MED15: variants seen among roughly 807,000 people sequenced by gnomAD.
MED15 encodes mediator of RNA polymerase II transcription subunit 15.
In MED15, 41 loss-of-function variants were observed where a neutral mutation model predicts 118.7. The ratio of observed to expected loss-of-function variants is 0.35; its 90% CI spans 0.27 to 0.45. MED15 has a LOEUF of 0.45. MED15 is among the 20% of genes least tolerant of loss of function. MED15 has a pLI of 1.00. For missense variants in MED15, 740 were observed against 1,025.5 expected, an observed-to-expected ratio of 0.72 and a Z score of 3.80; for synonymous variants, 436 against 413.9, an observed-to-expected ratio of 1.05 and a Z score of -0.65.
Position 20,568,672 on chromosome 22 carries a change from G to C in MED15, c.1152+41G>C, listed in dbSNP as rs565016408. 3.7e-6 allele frequency: 6 copies of C among 1,600,510 alleles called. No homozygotes were observed. The South Asian group carries it at 6.7e-5, about 18-fold the overall frequency. On this transcript the variant is annotated intron_variant, in intron 8 of 17. Coordinates refer to ENST00000263205, the MANE Select transcript of MED15 (RefSeq NM_001003891.3). ...TGGAGGGCTCCATAGTCATCAGCAG[G>C]TGCATGTTCACCTGCGCATGTAGTG...
chr22:20,525,841 A>G (rs1303517845), intron 1 of MED15, among the ~76,000 whole-genome samples: 1 of 151,328 alleles, frequency 6.6e-6, no homozygotes, highest in Non-Finnish European at 1.5e-5. Context: ...CGGCCACGTG[A>G]CCCTTCTTAA....
chr22:20,581,358 G>A (rs1296331794), intron 9 of MED15, among the ~76,000 whole-genome samples: 1 of 152,192 alleles, frequency 6.6e-6, no homozygotes, highest in Admixed American at 6.5e-5. Context: ...AATTTAAGGA[G>A]CTTAGAAAGC....
At chr22:20,550,953 T>G in intron 2 of MED15, 1 of 354,826 alleles carries the variant, frequency 2.8e-6, no homozygotes, top group Non-Finnish European at 5.6e-6. Flanking sequence ...GCCGCCCAGA[T>G]TTTCAGCAGA....
In MED15 at chr22:20,523,867, C is replaced by T; in HGVS notation, c.69-13250C>T. On this transcript the variant is annotated intron_variant, in intron 1 of 17. Transcript: ENST00000263205. Reference sequence around the variant, plus strand: ...AGCCTTTTCTGCAGGTTAGTTCTTTCAATGATCTTGTTTACTGGGAGTTGA... The same window carrying T: ...AGCCTTTTCTGCAGGTTAGTTCTTTTAATGATCTTGTTTACTGGGAGTTGA... 6.1e-6 allele frequency: 6 copies of T among 983,600 alleles called. No individual in the cohort carries two copies. In the South Asian group the frequency reaches 2.8e-4, roughly 46 times the overall value. 60.9% of individuals were successfully genotyped at this position (983,600 alleles called of 1,614,324 possible).
At chr22:20,561,302 C>T (rs1050121088) in intron 5 of MED15, among the ~76,000 whole-genome samples, 54 of 152,198 alleles carry the variant, frequency 3.5e-4, no homozygotes, top group African/African-American at 1.2e-3. Context: ...AGGCAGATCA[C>T]GAGGTCAGGA....
At chr22:20,544,109 A>T (rs2146481042) in intron 2 of MED15, among the ~76,000 whole-genome samples, 1 of 152,334 alleles carries the variant, frequency 6.6e-6, no homozygotes, top group Non-Finnish European at 1.5e-5. Flanking sequence ...TCTTGAAGAT[A>T]ATACAGACTT....
chr22:20,542,221 T>C (rs2055341196), intron 2 of MED15, among the ~76,000 whole-genome samples: 1 of 152,240 alleles, frequency 6.6e-6, no homozygotes, highest in Admixed American at 6.5e-5. Flanking sequence ...CTCCCAGGTA[T>C]ATATCCAAGA....
chr22:20,520,223 A>G (rs192109513), intron 1 of MED15, among the ~76,000 whole-genome samples: 13 of 152,286 alleles, frequency 8.5e-5, no homozygotes, highest in Admixed American at 8.5e-4. Context: ...CAGTGCTTGT[A>G]GGTTAAGAAG....
At chr22:20,532,361 G>T (rs2054894292) in intron 1 of MED15, among the ~76,000 whole-genome samples, 1 of 152,114 alleles carries the variant, frequency 6.6e-6, no homozygotes, top group Non-Finnish European at 1.5e-5. Flanking sequence ...GGCAGGGTCG[G>T]GCAATGCCAT....
intron 1 of MED15, among the ~76,000 whole-genome samples, chr22:20,535,330 T>G (rs1452279925): frequency 1.3e-5 from 2 of 152,274 alleles, no homozygotes; most frequent in African/African-American, 4.8e-5. Context: ...TTAAGACAGA[T>G]GTATGCACCT....
chr22:20,554,845 G>A (rs2055925356), intron 4 of MED15, 91 bp from the exon 5 acceptor site: 12 of 1,288,340 alleles, frequency 9.3e-6, no homozygotes, highest in South Asian at 1.4e-5. Flanking sequence ...GTAGGTAGGC[G>A]AGATCTGTGC....
At position 20,585,180 on chromosome 22, in the gene MED15, G is replaced by T. The variant is rs750692815; in HGVS notation, c.2044G>T (p.Val682Leu). The change falls in exon 16 of 18, where the codon GTG becomes TTG. Residue 682 changes from valine (V) to leucine (L), a missense_variant. Val to Leu is a conservative substitution (Grantham distance 32, BLOSUM62 1). This residue lies in a region of MED15 where 179 missense variants were observed against 259.0 expected (regional missense o/e 0.69). Transcript: ENST00000263205. ...CATCCCCAGTGTGCTCCAGGGTGAG[G>T]TGGCCAGGCTGGACCCCAAGTTCCT... ...QSIPSVLQGE[V>L]ARLDPKFLVN... 12 of 1,613,700 alleles carry T rather than the reference G, an allele frequency of 7.4e-6. No individual in the cohort carries two copies. Among genetic ancestry groups the T allele is most frequent in the Non-Finnish European group, 1.0e-5 (12 of 1,180,030 alleles).
chr22:20,583,070 C>T, intron 11 of MED15, 43 bp from the exon 12 acceptor site: 1 of 1,558,758 alleles, frequency 6.4e-7, no homozygotes, highest in Non-Finnish European at 8.7e-7. Context: ...AGTTCCCCAC[C>T]CGAGGGTCGA....
At chr22:20,558,455 G>A (rs925420647) in intron 5 of MED15, among the ~76,000 whole-genome samples, 1 of 152,192 alleles carries the variant, frequency 6.6e-6, no homozygotes. Context: ...GGCTGGGGCT[G>A]CAGTACAGAG....
chr22:20,577,294 G>A (rs1385358921), intron 9 of MED15, among the ~76,000 whole-genome samples: 1 of 152,082 alleles, frequency 6.6e-6, no homozygotes, highest in Non-Finnish European at 1.5e-5. Context: ...GCCCCCACAA[G>A]ACCAGGCTCT....
chr22:20,564,397 C>T (rs1224794810), intron 5 of MED15, 53 bp from the exon 6 acceptor site: 23 of 1,603,584 alleles, frequency 1.4e-5, no homozygotes, highest in African/African-American at 2.7e-5. Flanking sequence ...AGCCCTGCAG[C>T]GTTTCTGGGA....
chr22:20,513,658 A>G (rs923470935), intron 1 of MED15, among the ~76,000 whole-genome samples: 2 of 152,282 alleles, frequency 1.3e-5, no homozygotes, highest in African/African-American at 4.8e-5. Context: ...GGGAAAAATG[A>G]AGAGACCTCT....
rs143509872 is a variant in MED15 at position 20,585,001 on chromosome 22, C to T, written c.1950C>T (p.His650=). 5.5e-5 allele frequency: 88 copies of T among 1,613,970 alleles called. No homozygotes were observed. Among genetic ancestry groups the T allele is most frequent in the Non-Finnish European group, 7.3e-5 (86 of 1,180,034 alleles). The change falls in exon 15 of 18, where the codon CAC becomes CAT. Residue 650 remains histidine (H), a synonymous_variant. Coordinates refer to ENST00000263205, the MANE Select transcript of MED15 (RefSeq NM_001003891.3). Reference sequence around the variant, plus strand: ...TCGTTCCAGCCATGACCGCCATTCACGGCCCACCCATCACGTATGTCCAGC... The same window carrying T: ...TCGTTCCAGCCATGACCGCCATTCATGGCCCACCCATCACGTATGTCCAGC... ...RTFVPAMTAI[H]GPPITAPVVC... is the part of the protein sequence containing the mutation.
At chr22:20,562,960 C>T (rs2056301674) in intron 5 of MED15, among the ~76,000 whole-genome samples, 1 of 151,558 alleles carries the variant, frequency 6.6e-6, no homozygotes, top group African/African-American at 2.4e-5. Flanking sequence ...CACTTAAGCC[C>T]AGGAGGTCAA....
Sources: gnomAD v4.1 joint callset for allele counts (sites outside exome capture counted in the v4.1 genomes callset) on GRCh38, gnomAD v4.1.1 for gene constraint, gnomAD v4.1.1 regional missense constraint, MANE v1.5 for transcripts, NCBI Gene and HGNC (gene_info 2026-07-23, HGNC 2026-07-21) for gene names.